The following OSBPL1A variants were observed in gnomAD, a reference collection of about 807,000 sequenced individuals.
The protein encoded by OSBPL1A is oxysterol binding protein like 1A.
OSBPL1A carries 80 observed loss-of-function variants against 137.1 expected under a neutral mutation model. That is an observed-to-expected ratio of 0.58 (90% confidence interval 0.49 to 0.70). The LOEUF is 0.70. OSBPL1A is among the 30% of genes least tolerant of loss of function. OSBPL1A has a pLI of 0.00. For synonymous variants in OSBPL1A, 365 were observed against 389.7 expected (o/e 0.94, Z 0.75); for missense variants, 970 against 1,129.4 (o/e 0.86, Z 2.02).
intron 21 of OSBPL1A, among the ~76,000 whole-genome samples, chr18:24,175,121 T>TACAC (rs1469022633): frequency 4.7e-5 from 6 of 128,946 alleles, no homozygotes; most frequent in African/African-American, 1.8e-4. Flanking sequence ...TATATATATA[T>TACAC]ATATATATAT....
chr18:24,336,546 A>G (rs372145440), intron 5 of OSBPL1A, among the ~76,000 whole-genome samples: 11 of 152,360 alleles, frequency 7.2e-5, no homozygotes, highest in African/African-American at 2.4e-4. Context: ...GGAGCTATAC[A>G]TTCATGATGT....
At position 24,377,536 on chromosome 18, in the gene OSBPL1A, C is replaced by A. The variant is rs1356754733; in HGVS notation, c.-2-1G>T. 6.3e-7 allele frequency: 1 copy of A among 1,585,036 alleles called. No homozygotes were observed. The highest frequency in any genetic ancestry group is 2.3e-5 in the East Asian group (1 of 44,438). ...TGTTGCTCCGCTTCTGTGTTCATTT[C>A]TAAATTAAGAAAATAATAACATTGC... On this transcript the variant is annotated splice_acceptor_variant, in intron 1 of 27. Coordinates refer to ENST00000319481, the MANE Select transcript of OSBPL1A (RefSeq NM_080597.4). LOFTEE classifies it low-confidence loss of function (5UTR_SPLICE).
intron 5 of OSBPL1A, among the ~76,000 whole-genome samples, chr18:24,341,033 T>C (rs1325753520): frequency 2.0e-5 from 3 of 152,194 alleles, no homozygotes; most frequent in African/African-American, 7.2e-5. Context: ...TCTCACTCTG[T>C]TGCCTGGACC....
intron 16 of OSBPL1A, among the ~76,000 whole-genome samples, chr18:24,231,517 G>A (rs541933840): frequency 7.9e-5 from 12 of 152,188 alleles, no homozygotes; most frequent in African/African-American, 1.9e-4. Flanking sequence ...CTTGAACTCC[G>A]GACCTCAAGT....
intron 7 of OSBPL1A, among the ~76,000 whole-genome samples, chr18:24,327,803 C>T: frequency 6.6e-6 from 1 of 151,854 alleles, no homozygotes; most frequent in African/African-American, 2.4e-5. Flanking sequence ...ACTTTGGTTA[C>T]TAGTATAAAC....
intron 7 of OSBPL1A, among the ~76,000 whole-genome samples, chr18:24,321,028 C>CAAAAAAAAAA (rs368453121): frequency 1.5e-5 from 1 of 68,298 alleles, no homozygotes; most frequent in African/African-American, 4.1e-5. Context: ...GACTTCGTCT[C>CAAAAAAAAAA]AAAAAAAAAA....
chr18:24,258,020 A>C (rs184599555), intron 15 of OSBPL1A, among the ~76,000 whole-genome samples: 3 of 152,320 alleles, frequency 2.0e-5, no homozygotes, highest in African/African-American at 7.2e-5. Context: ...GTTGGTGAGA[A>C]TGTAAATTAG....
chr18:24,343,769 C>G (rs62088013), intron 4 of OSBPL1A, among the ~76,000 whole-genome samples: 2 of 152,050 alleles, frequency 1.3e-5, no homozygotes, highest in African/African-American at 4.8e-5. Context: ...TAACCACATG[C>G]AGGAGAATGA....
chr18:24,256,338 A>G (rs1173875058), intron 15 of OSBPL1A, among the ~76,000 whole-genome samples: 2 of 152,258 alleles, frequency 1.3e-5, no homozygotes, highest in Non-Finnish European at 2.9e-5. Context: ...AACCAGTGTC[A>G]TACATCATAT....
chr18:24,349,406 T>C (rs1035850196), intron 4 of OSBPL1A, among the ~76,000 whole-genome samples: 3 of 152,174 alleles, frequency 2.0e-5, no homozygotes, highest in Non-Finnish European at 2.9e-5. Context: ...TTAACCAAGA[T>C]TGGATGCTAT....
chr18:24,203,066 C>T (rs2087264718), intron 17 of OSBPL1A, among the ~76,000 whole-genome samples: 1 of 152,212 alleles, frequency 6.6e-6, no homozygotes, highest in Non-Finnish European at 1.5e-5. Flanking sequence ...CAACCTCCAC[C>T]TCCTGGGTTC....
chr18:24,279,500 C>G (rs1036017599), intron 15 of OSBPL1A, among the ~76,000 whole-genome samples: 11 of 151,926 alleles, frequency 7.2e-5, no homozygotes, highest in African/African-American at 2.7e-4. Flanking sequence ...TAGATTTTTA[C>G]GTATTAGAGG....
intron 4 of OSBPL1A, among the ~76,000 whole-genome samples, chr18:24,351,347 CAAAAAAAAAA>C (rs1172514692): frequency 2.8e-5 from 1 of 35,770 alleles, no homozygotes; most frequent in Non-Finnish European, 5.2e-5. Context: ...GACTCTGTCT[CAAAAAAAAAA>C]AAAAAAAAAA....
intron 11 of OSBPL1A, among the ~76,000 whole-genome samples, chr18:24,315,730 T>TTATATAATAAAATATATAATATAA (rs2090712141): frequency 8.2e-6 from 1 of 121,514 alleles, no homozygotes; most frequent in African/African-American, 3.2e-5. Flanking sequence ...ATGTAATATA[T>TTATATAATAAAATATATAATATAA]TATATAATAA....
At chr18:24,391,718 A>C (rs1205675925) in intron 1 of OSBPL1A, among the ~76,000 whole-genome samples, 3 of 152,110 alleles carry the variant, frequency 2.0e-5, no homozygotes, top group Non-Finnish European at 2.9e-5. Context: ...CCACAGAATG[A>C]AACTCTTTTT....
intron 24 of OSBPL1A, among the ~76,000 whole-genome samples, chr18:24,170,044 A>C (rs899095125): frequency 3.3e-5 from 5 of 152,254 alleles, no homozygotes; most frequent in Admixed American, 1.3e-4. Flanking sequence ...AAAATGTTTC[A>C]TTAAGATGAA....
intron 15 of OSBPL1A, among the ~76,000 whole-genome samples, chr18:24,258,914 T>A (rs1416500274): frequency 6.7e-6 from 1 of 148,616 alleles, no homozygotes; most frequent in Non-Finnish European, 1.5e-5. Context: ...AGTCTATTTT[T>A]AAAATTACAT....
At chr18:24,208,692 G>A (rs890011197) in intron 17 of OSBPL1A, among the ~76,000 whole-genome samples, 4 of 152,180 alleles carry the variant, frequency 2.6e-5, no homozygotes, top group Admixed American at 6.5e-5. Flanking sequence ...CATAGAACCT[G>A]TAATATAGGT....
At chr18:24,260,744 G>C (rs1036502682) in intron 15 of OSBPL1A, among the ~76,000 whole-genome samples, 1 of 150,258 alleles carries the variant, frequency 6.7e-6, no homozygotes, top group Non-Finnish European at 1.5e-5. Context: ...TGCACACTGT[G>C]AATGTATTAA....
Sources: gnomAD v4.1 joint callset for allele counts (sites outside exome capture counted in the v4.1 genomes callset) on GRCh38, gnomAD v4.1.1 for gene constraint, MANE v1.5 for transcripts, NCBI Gene and HGNC (gene_info 2026-07-23, HGNC 2026-07-21) for gene names.